The following SOX5 variants were observed in gnomAD, a reference collection of about 807,000 sequenced individuals.
SOX5 encodes transcription factor SOX-5.
Under a neutral mutation model 92.0 loss-of-function variants are expected in SOX5, and 9 were observed. The observed-to-expected ratio is 0.10, with a 90% confidence interval of 0.06 to 0.17. The LOEUF (loss-of-function observed/expected upper bound fraction) is 0.17. Among genes scored for constraint, SOX5 ranks in the 10% least tolerant of loss-of-function variants. SOX5 has a pLI of 1.00. For missense variants in SOX5, 642 were observed against 944.5 expected, an observed-to-expected ratio of 0.68 and a Z score of 4.20; for synonymous variants, 344 against 336.3, an observed-to-expected ratio of 1.02 and a Z score of -0.25.
intron 10 of SOX5, among the ~76,000 whole-genome samples, chr12:23,569,420 A>G (rs1416783318): frequency 6.6e-6 from 1 of 152,212 alleles, no homozygotes; most frequent in African/African-American, 2.4e-5. Context: ...AATCCTGAAT[A>G]TGTTAATGTG....
intron 3 of SOX5, among the ~76,000 whole-genome samples, chr12:24,273,154 G>A (rs189242540): frequency 4.6e-5 from 7 of 152,280 alleles, no homozygotes; most frequent in Admixed American, 3.3e-4. Flanking sequence ...AGCTACTTGG[G>A]AGGCTGAGGC....
intron 1 of SOX5, among the ~76,000 whole-genome samples, chr12:23,899,120 G>A (rs2097206105): frequency 6.6e-6 from 1 of 152,048 alleles, no homozygotes; most frequent in African/African-American, 2.4e-5. Context: ...CATTAAGAAG[G>A]CACCACAGGC....
chr12:24,006,901 A>C (rs1302792171), intron 4 of SOX5, among the ~76,000 whole-genome samples: 1 of 151,844 alleles, frequency 6.6e-6, no homozygotes, highest in Non-Finnish European at 1.5e-5. Flanking sequence ...TGGGAGGCCA[A>C]GGCGGGAGGA....
chr12:23,793,248 A>T (rs2095507698), intron 3 of SOX5, among the ~76,000 whole-genome samples: 1 of 152,210 alleles, frequency 6.6e-6, no homozygotes, highest in African/African-American at 2.4e-5. Context: ...AAGTAAAAAA[A>T]TTGGTAGTTA....
intron 7 of SOX5, among the ~76,000 whole-genome samples, chr12:23,643,106 AAAG>A (rs1175575266): frequency 1.7e-4 from 25 of 151,464 alleles, no homozygotes; most frequent in Non-Finnish European, 3.5e-4. Context: ...AAAAAAAAAA[AAAG>A]GTAATTATGG....
At chr12:24,423,700 C>G (rs1966281665) in intron 1 of SOX5, among the ~76,000 whole-genome samples, 1 of 152,204 alleles carries the variant, frequency 6.6e-6, no homozygotes, top group Admixed American at 6.5e-5. Flanking sequence ...TGGCAATTGT[C>G]CCAAATATTT....
chr12:23,674,702 C>T (rs568361523), intron 6 of SOX5, among the ~76,000 whole-genome samples: 1 of 151,920 alleles, frequency 6.6e-6, no homozygotes, highest in African/African-American at 2.4e-5. Flanking sequence ...TACCAAGGGT[C>T]GCATTTTTAC....
chr12:24,011,147 G>T (rs1190277786), intron 4 of SOX5, among the ~76,000 whole-genome samples: 2 of 152,064 alleles, frequency 1.3e-5, no homozygotes, highest in Non-Finnish European at 2.9e-5. Flanking sequence ...AAAATTGCTT[G>T]TAATACAGCA....
chr12:23,991,418 T>C (rs971219974), intron 4 of SOX5, among the ~76,000 whole-genome samples: 3 of 151,772 alleles, frequency 2.0e-5, no homozygotes, highest in East Asian at 3.9e-4. Flanking sequence ...CATAATCAAA[T>C]ATATTGATAT....
chr12:23,951,583 A>T (rs1253847343), upstream of SOX5, among the ~76,000 whole-genome samples: 2 of 152,168 alleles, frequency 1.3e-5, no homozygotes, highest in Non-Finnish European at 1.5e-5. Flanking sequence ...AAGCTTATAA[A>T]TTTTTAGACA....
chr12:24,083,770 A>C lies in SOX5; in HGVS notation c.-2+129573T>G, dbSNP rs564967157. 3.9e-5 allele frequency among the ~76,000 whole-genome samples: 6 copies of C among 152,178 alleles called. No homozygotes were observed. In the South Asian group the frequency reaches 1.2e-3, roughly 32 times the overall value. On this transcript the variant is annotated intron_variant, in intron 4 of 4. Transcript: ENST00000446891. ...AGGAATAAAATGTAAAAACACAAGG[A>C]AACAGTAATATGTCTGGATCATAAT...
chr12:24,006,403 A>G (rs1315132958), intron 4 of SOX5, among the ~76,000 whole-genome samples: 1 of 152,152 alleles, frequency 6.6e-6, no homozygotes, highest in South Asian at 2.1e-4. Flanking sequence ...AATTCTGTTT[A>G]TCATGGTCCC....
chr12:23,707,113 A>G (rs1776932589), intron 6 of SOX5, among the ~76,000 whole-genome samples: 1 of 152,190 alleles, frequency 6.6e-6, no homozygotes, highest in Non-Finnish European at 1.5e-5. Flanking sequence ...ATTAACTTAT[A>G]TAGAGTTACA....
At chr12:24,119,037 G>C (rs574670245) in intron 4 of SOX5, among the ~76,000 whole-genome samples, 43 of 149,694 alleles carry the variant, frequency 2.9e-4, no homozygotes, top group Admixed American at 1.3e-4. Context: ...AAAAAATGAG[G>C]AATATTTTTT....
At chr12:23,722,124 G>A (rs192169650) in intron 6 of SOX5, among the ~76,000 whole-genome samples, 2 of 152,256 alleles carry the variant, frequency 1.3e-5, no homozygotes, top group Non-Finnish European at 1.5e-5. Context: ...ATACACATAA[G>A]CCTAATCACT....
intron 3 of SOX5, among the ~76,000 whole-genome samples, chr12:24,244,681 C>T (rs921659047): frequency 2.6e-5 from 4 of 152,014 alleles, no homozygotes; most frequent in Middle Eastern, 3.2e-3. Flanking sequence ...TGTAAGAGAT[C>T]GATAAATATT....
intron 2 of SOX5, among the ~76,000 whole-genome samples, chr12:23,875,265 G>T (rs967115035): frequency 3.5e-5 from 5 of 141,736 alleles, no homozygotes; most frequent in African/African-American, 1.3e-4. Flanking sequence ...ATTATGAAGA[G>T]AAATTGTATA....
intron 4 of SOX5, among the ~76,000 whole-genome samples, chr12:24,191,842 T>C (rs757131217): frequency 2.6e-5 from 4 of 152,134 alleles, no homozygotes; most frequent in Admixed American, 6.5e-5. Context: ...CTATCCAGTA[T>C]TGGGAAGAGA....
In SOX5 at chr12:23,846,484, C is replaced by G. The variant is rs193011634; in HGVS notation, c.271-291G>C. ...AGGAGAAACCAAATATGGAGATTCT[C>G]TCCTTTAAACTGAGTATAAATGACA... is the stretch of plus-strand genomic sequence containing the variant. On this transcript the variant is annotated intron_variant, in intron 2 of 14. Transcript: ENST00000451604. Among the ~76,000 whole-genome samples, 39 of 152,266 alleles carry G rather than the reference C, an allele frequency of 2.6e-4. 1 individual carries two copies. Among genetic ancestry groups the G allele is most frequent in the Admixed American group, 2.2e-3 (34 of 15,292 alleles).
Sources: gnomAD v4.1 joint callset for allele counts (sites outside exome capture counted in the v4.1 genomes callset) on GRCh38, gnomAD v4.1.1 for gene constraint, MANE v1.5 for transcripts, NCBI Gene and HGNC (gene_info 2026-07-23, HGNC 2026-07-21) for gene names.